Variants in CES5A observed in about 807,000 individuals in gnomAD.
The protein encoded by CES5A is carboxylesterase 5A.
Under a neutral mutation model 62.9 loss-of-function variants are expected in CES5A, and 67 were observed. The ratio of observed to expected loss-of-function variants is 1.07; its 90% CI spans 0.88 to 1.31. The LOEUF is 1.31. Among genes scored for constraint, CES5A ranks in the 50% most tolerant of loss-of-function variants. The pLI is 0.00. For synonymous variants in CES5A, 296 were observed against 280.8 expected (o/e 1.05, Z -0.54); for missense variants, 748 against 708.5 (o/e 1.06, Z -0.63).
intron 1 of CES5A, among the ~76,000 whole-genome samples, chr16:55,921,636 G>GA (rs1187326389): frequency 0.022 from 1,378 of 61,930 alleles, 14 homozygotes; most frequent in African/African-American, 0.039. Context: ...CAATCTGAAA[G>GA]AAAAAAAAAA....
chr16:55,879,283 C>T (rs1668569501), upstream of CES5A, among the ~76,000 whole-genome samples: 1 of 150,334 alleles, frequency 6.7e-6, no homozygotes, highest in South Asian at 2.1e-4. Flanking sequence ...ACCACTGCAC[C>T]TCCACCACTG....
At chr16:55,893,755 A>C (rs893394507) in intron 1 of CES5A, among the ~76,000 whole-genome samples, 2 of 152,192 alleles carry the variant, frequency 1.3e-5, no homozygotes, top group Non-Finnish European at 2.9e-5. Context: ...ATGATCTAAC[A>C]TATGTGTAAT....
chr16:55,870,699 A>T (rs139772968), intron 3 of CES5A, among the ~76,000 whole-genome samples: 1 of 152,148 alleles, frequency 6.6e-6, no homozygotes, highest in African/African-American at 2.4e-5. Context: ...CTCTGTCCCA[A>T]AAAAAAGAGG....
At chr16:55,933,813 G>A (rs1296823509) in intron 2 of CES5A, among the ~76,000 whole-genome samples, 1 of 152,096 alleles carries the variant, frequency 6.6e-6, no homozygotes, top group Admixed American at 6.5e-5. Flanking sequence ...AACAGAATAG[G>A]TCATCATCTG....
Position 55,859,535 on chromosome 16 carries a change from C to A in CES5A, c.1056+12G>T. 2 of 1,609,518 alleles carry A rather than the reference C, an allele frequency of 1.2e-6. No individual in the cohort carries two copies. The highest frequency in any genetic ancestry group is 1.7e-6 in the Non-Finnish European group (2 of 1,178,998). ...TTGAGGGAGTGGCAGTATGGACAGCCAGAATTCTTACCATAGGCAGCAGGA... is the reference window on the plus strand; with the variant it reads ...TTGAGGGAGTGGCAGTATGGACAGCAAGAATTCTTACCATAGGCAGCAGGA... On this transcript the variant is annotated intron_variant, in intron 8 of 12. Transcript: ENST00000290567.
chr16:55,942,430 G>A (rs1173457165), intron 2 of CES5A, among the ~76,000 whole-genome samples: 2 of 152,076 alleles, frequency 1.3e-5, no homozygotes, highest in Non-Finnish European at 2.9e-5. Context: ...ACTTCACAGG[G>A]GAAGATACAC....
At chr16:55,892,911 T>C (rs1446135201) in intron 1 of CES5A, among the ~76,000 whole-genome samples, 1 of 152,092 alleles carries the variant, frequency 6.6e-6, no homozygotes, top group African/African-American at 2.4e-5. Context: ...AGGTCAAAAA[T>C]AGGTAAAAGG....
upstream of CES5A, among the ~76,000 whole-genome samples, chr16:55,928,254 A>G (rs2034277970): frequency 6.6e-6 from 1 of 152,014 alleles, no homozygotes; most frequent in Admixed American, 6.6e-5. Flanking sequence ...AAAAAAAAAA[A>G]TCATCTTTTC....
In CES5A at chr16:55,874,035, G is replaced by C; in HGVS notation, c.76C>G (p.Pro26Ala). The part of the protein sequence containing the change: ...IWVLAAPTKG[P>A]SAEGPQRNTR... ...TTCCTCTGTGGCCCTTCAGCAGAAG[G>C]CCCTGCGGGAACACATGGGAGGAAT... Residue 26 changes from proline (P) to alanine (A), a missense_variant and splice_region_variant, in exon 2 of 13, where the codon CCT becomes GCT. Pro to Ala is a conservative substitution (Grantham distance 27). Coordinates refer to ENST00000290567, the MANE Select transcript of CES5A (RefSeq NM_001143685.2). 1 of 1,600,966 alleles carries C rather than the reference G, an allele frequency of 6.2e-7. No homozygotes were observed. Among genetic ancestry groups the C allele is most frequent in the Non-Finnish European group, 8.5e-7 (1 of 1,174,470 alleles).
At chr16:55,876,363 G>A (rs1194615701), upstream of CES5A, among the ~76,000 whole-genome samples, 1 of 139,788 alleles carries the variant, frequency 7.2e-6, no homozygotes, top group Admixed American at 7.4e-5. Context: ...AATATATGTT[G>A]CATTTCTATA....
intron 1 of CES5A, among the ~76,000 whole-genome samples, chr16:55,886,294 G>A (rs2033814617): frequency 6.6e-6 from 1 of 152,200 alleles, no homozygotes; most frequent in Admixed American, 6.5e-5. Context: ...GAATGGCTTG[G>A]CCAATTACTC....
At chr16:55,886,046 C>T (rs891834184) in intron 1 of CES5A, among the ~76,000 whole-genome samples, 2 of 152,212 alleles carry the variant, frequency 1.3e-5, no homozygotes, top group African/African-American at 4.8e-5. Flanking sequence ...TGGCAGGTTC[C>T]CCACGGCTAG....
intron 1 of CES5A, among the ~76,000 whole-genome samples, chr16:55,884,789 C>T (rs866949222): frequency 4.6e-5 from 7 of 152,164 alleles, no homozygotes; most frequent in Middle Eastern, 6.8e-3. Flanking sequence ...ACAGTGCCTC[C>T]TTATGTTGCC....
intron 1 of CES5A, among the ~76,000 whole-genome samples, chr16:55,901,127 T>G (rs2033986511): frequency 6.6e-6 from 1 of 152,160 alleles, no homozygotes; most frequent in Admixed American, 6.5e-5. Context: ...TGGGTGGGTC[T>G]TTCCCATGCT....
chr16:55,871,022 G>A (rs1228152269), intron 3 of CES5A, among the ~76,000 whole-genome samples: 1 of 152,170 alleles, frequency 6.6e-6, no homozygotes, highest in African/African-American at 2.4e-5. Context: ...CTTACCCACT[G>A]GGTTAGCATG....
At chr16:55,950,207 A>G (rs1415421820) in intron 1 of CES5A, among the ~76,000 whole-genome samples, 1 of 152,170 alleles carries the variant, frequency 6.6e-6, no homozygotes, top group Non-Finnish European at 1.5e-5. Flanking sequence ...CCCAAGGATG[A>G]TTGACAGGAT....
chr16:55,889,478 T>C (rs2033852276), intron 1 of CES5A, among the ~76,000 whole-genome samples: 1 of 152,090 alleles, frequency 6.6e-6, no homozygotes, highest in African/African-American at 2.4e-5. Context: ...AACACTTTAC[T>C]CACTTATTGG....
At chr16:55,928,093 A>G (rs986827657), upstream of CES5A, among the ~76,000 whole-genome samples, 3 of 152,122 alleles carry the variant, frequency 2.0e-5, no homozygotes, top group Admixed American at 6.5e-5. Flanking sequence ...AATAGAAAAA[A>G]TTAGCTGGGC....
intron 1 of CES5A, among the ~76,000 whole-genome samples, chr16:55,952,273 T>TCAGA (rs1422336981): frequency 2.0e-5 from 3 of 152,154 alleles, no homozygotes; most frequent in African/African-American, 7.2e-5. Context: ...GATATATACC[T>TCAGA]AATTCATGAA....
Sources: allele counts gnomAD v4.1 joint callset (sites outside exome capture counted in the v4.1 genomes callset), GRCh38; gene constraint gnomAD v4.1.1; transcripts MANE v1.5; gene names NCBI Gene and HGNC (gene_info 2026-07-23, HGNC 2026-07-21).